Variants in NBEA observed in about 807,000 individuals in gnomAD.
NBEA encodes the protein lysosomal-trafficking regulator 2.
Under a neutral mutation model 343.4 loss-of-function variants are expected in NBEA, and 44 were observed. That is an observed-to-expected ratio of 0.13 (90% CI 0.10 to 0.16). The LOEUF is 0.16. Among genes scored for constraint, NBEA ranks in the 10% least tolerant of loss-of-function variants. The pLI is 1.00. For missense variants in NBEA, 2,555 were observed against 3,631.3 expected, an observed-to-expected ratio of 0.70 and a Z score of 7.62; for synonymous variants, 1,175 against 1,238.7, an observed-to-expected ratio of 0.95 and a Z score of 1.08.
At chr13:35,606,353 G>C in intron 47 of NBEA, 73 bp from the exon 48 acceptor site, 1 of 794,378 alleles carries the variant, frequency 1.3e-6, no homozygotes, top group Non-Finnish European at 1.8e-6. Flanking sequence ...TAGTTAATAA[G>C]TTATAAGTTA....
At chr13:35,636,222 C>T (rs779316143) in intron 49 of NBEA, among the ~76,000 whole-genome samples, 1 of 152,158 alleles carries the variant, frequency 6.6e-6, no homozygotes, top group African/African-American at 2.4e-5. Flanking sequence ...AGATATTACT[C>T]AATCTAAGTA....
At chr13:35,577,425 T>C (rs1042208454) in intron 45 of NBEA, among the ~76,000 whole-genome samples, 9 of 152,212 alleles carry the variant, frequency 5.9e-5, no homozygotes, top group Non-Finnish European at 1.3e-4. Flanking sequence ...GTACTATTTT[T>C]TCTTATATAT....
chr13:35,190,954 G>C (rs1439142954), intron 30 of NBEA, among the ~76,000 whole-genome samples: 1 of 152,062 alleles, frequency 6.6e-6, no homozygotes, highest in African/African-American at 2.4e-5. Context: ...ATGTAATAAA[G>C]AACCAAATAG....
chr13:35,248,385 T>TG (rs1254485327), intron 34 of NBEA, among the ~76,000 whole-genome samples: 2 of 152,176 alleles, frequency 1.3e-5, no homozygotes, highest in African/African-American at 2.4e-5. Context: ...GTTTACTGTG[T>TG]GGGGAAAAAA....
intron 38 of NBEA, among the ~76,000 whole-genome samples, chr13:35,424,063 G>T (rs2044481408): frequency 6.6e-6 from 1 of 152,080 alleles, no homozygotes; most frequent in African/African-American, 2.4e-5. Flanking sequence ...GAGACCATGG[G>T]GTTTTCTAGA....
chr13:35,649,928 T>TCCCAG, intron 52 of NBEA, 81 bp downstream of exon 52: 7 of 798,584 alleles, frequency 8.8e-6, no homozygotes, highest in Non-Finnish European at 9.2e-6. Flanking sequence ...GGGACTGGGA[T>TCCCAG]TAGCTCATAT....
At chr13:35,257,852 A>G (rs1029922414) in intron 34 of NBEA, among the ~76,000 whole-genome samples, 2 of 152,188 alleles carry the variant, frequency 1.3e-5, no homozygotes, top group Admixed American at 6.5e-5. Flanking sequence ...ATATGAAAGG[A>G]AAATGCTCCA....
chr13:35,119,512 G>A (rs1400575164), intron 16 of NBEA, among the ~76,000 whole-genome samples: 2 of 152,128 alleles, frequency 1.3e-5, no homozygotes, highest in Non-Finnish European at 2.9e-5. Flanking sequence ...TTACCTTTGA[G>A]TTTATAATTC....
Position 35,156,116 on chromosome 13 carries a change from A to T in NBEA, c.2561A>T (p.Asn854Ile). 6.3e-7 allele frequency: 1 copy of T among 1,583,920 alleles called. No individual in the cohort carries two copies. Reference sequence around the variant, plus strand: ...AAAGTGGTGGCAACTTTGTTAAAAAACTCTACACCAAGTGCAGAGCTGATG... The same window carrying T: ...AAAGTGGTGGCAACTTTGTTAAAAATCTCTACACCAAGTGCAGAGCTGATG... ...ILKVVATLLKNSTPSAELMEV... is the reference protein window; with the variant it reads ...ILKVVATLLKISTPSAELMEV... Residue 854 changes from asparagine to isoleucine, a missense_variant, in exon 20 of 59, where the codon AAC becomes ATC. Coordinates refer to ENST00000379939, the MANE Select transcript of NBEA (RefSeq NM_001385012.1).
chr13:35,624,055 G>T (rs76717024), intron 48 of NBEA, among the ~76,000 whole-genome samples: 18 of 147,406 alleles, frequency 1.2e-4, no homozygotes, highest in Non-Finnish European at 2.2e-4. Context: ...TGTGTGTGTG[G>T]GTGTGTGTGT....
At chr13:35,441,996 G>A (rs1237103022) in intron 39 of NBEA, among the ~76,000 whole-genome samples, 2 of 151,890 alleles carry the variant, frequency 1.3e-5, no homozygotes, top group African/African-American at 2.4e-5. Flanking sequence ...CCATCTACCC[G>A]TATTGGTACA....
intron 32 of NBEA, among the ~76,000 whole-genome samples, chr13:35,210,321 C>T (rs1466722639): frequency 1.3e-5 from 2 of 151,342 alleles, no homozygotes; most frequent in Non-Finnish European, 3.0e-5. Flanking sequence ...AATTGTGAGC[C>T]AACAGCTAAA....
intron 41 of NBEA, among the ~76,000 whole-genome samples, chr13:35,540,338 A>G (rs1312042911): frequency 6.6e-6 from 1 of 152,194 alleles, no homozygotes; most frequent in Non-Finnish European, 1.5e-5. Flanking sequence ...TGTATTCAGT[A>G]TAGAAATGAA....
rs140795184 is a variant in NBEA at position 35,624,346 on chromosome 13, G to A, written c.7450-3735G>A. Among the ~76,000 whole-genome samples the A allele has an allele frequency of 1.7e-3, 259 of 152,112 alleles. 1 individual carries two copies. Among genetic ancestry groups the A allele is most frequent in the African/African-American group, 6.1e-3 (252 of 41,510 alleles). On this transcript the variant is annotated intron_variant, in intron 48 of 58. Transcript: ENST00000379939. ...TTGCATCAAAATTTATGAAGTATCT[G>A]GGAATAAACTTAACCAAGAACACTA...
chr13:35,574,419 A>G (rs1394564965), intron 45 of NBEA, among the ~76,000 whole-genome samples: 2 of 150,814 alleles, frequency 1.3e-5, no homozygotes, highest in Non-Finnish European at 2.9e-5. Flanking sequence ...ACAAGGAAAG[A>G]AAAAGAAAAA....
At chr13:35,601,572 G>A (rs1474603184) in intron 47 of NBEA, among the ~76,000 whole-genome samples, 1 of 151,824 alleles carries the variant, frequency 6.6e-6, no homozygotes, top group African/African-American at 2.4e-5. Context: ...GACCAGCCTG[G>A]CCAATATGGT....
chr13:35,149,651 C>T (rs1482529126), intron 18 of NBEA, among the ~76,000 whole-genome samples: 1 of 152,126 alleles, frequency 6.6e-6, no homozygotes, highest in Non-Finnish European at 1.5e-5. Context: ...TTTGGACCTA[C>T]TAACTGGTTT....
At chr13:35,649,166 T>C (rs903132798) in intron 51 of NBEA, among the ~76,000 whole-genome samples, 2 of 152,144 alleles carry the variant, frequency 1.3e-5, no homozygotes, top group Non-Finnish European at 2.9e-5. Flanking sequence ...TCGGCTGCTT[T>C]ATGGGGCTAC....
chr13:35,153,076 C>T (rs1353349763), intron 18 of NBEA, among the ~76,000 whole-genome samples: 3 of 135,740 alleles, frequency 2.2e-5, no homozygotes, highest in African/African-American at 5.6e-5. Flanking sequence ...CTCACTCTGT[C>T]GCCCAGGCTG....
Sources: gnomAD v4.1 joint callset for allele counts (sites outside exome capture counted in the v4.1 genomes callset) on GRCh38, gnomAD v4.1.1 for gene constraint, MANE v1.5 for transcripts, NCBI Gene and HGNC (gene_info 2026-07-23, HGNC 2026-07-21) for gene names.